Variants in BIRC2 observed in about 807,000 individuals in gnomAD.
BIRC2 encodes baculoviral IAP repeat-containing protein 2.
Under a neutral mutation model 60.9 loss-of-function variants are expected in BIRC2, and 18 were observed. The ratio of observed to expected loss-of-function variants is 0.30; its 90% CI spans 0.20 to 0.44. The LOEUF (loss-of-function observed/expected upper bound fraction) is 0.44, where lower values mean the gene tolerates loss of function less well. BIRC2 is among the 20% of genes least tolerant of loss of function. BIRC2 has a pLI of 1.00. For missense variants in BIRC2, 701 were observed against 728.5 expected (o/e 0.96, Z 0.43); for synonymous variants, 282 against 247.7 (o/e 1.14, Z -1.30).
At chr11:102,363,324 C>G (rs1478774595) in intron 4 of BIRC2, among the ~76,000 whole-genome samples, 1 of 152,128 alleles carries the variant, frequency 6.6e-6, no homozygotes. Flanking sequence ...TTTAGTGTCT[C>G]TTTGCTGTTT....
chr11:102,374,722 T>C (rs1951685291), intron 6 of BIRC2, among the ~76,000 whole-genome samples: 1 of 152,234 alleles, frequency 6.6e-6, no homozygotes, highest in African/African-American at 2.4e-5. Flanking sequence ...GCTGCTTTGT[T>C]TACCTAATCA....
At position 102,368,375 on chromosome 11, in the gene BIRC2, C is replaced by T; in HGVS notation, c.1193C>T (p.Ser398Phe). 6.2e-7 allele frequency: 1 copy of T among 1,614,014 alleles called. No homozygotes were observed. The highest frequency in any genetic ancestry group is 1.1e-5 in the South Asian group (1 of 91,064). The change falls in exon 6 of 9, where the codon TCT (serine) becomes TTT (phenylalanine). Residue 398 changes from serine (S) to phenylalanine (F), a missense_variant. Physicochemically the swap from Ser to Phe is radical, Grantham distance 155 (BLOSUM62 -2). Transcript: ENST00000227758. The part of the protein sequence containing the change: ...AVMMNTPVVK[S>F]ALEMGFNRDL... ...ATGATGAATACACCTGTGGTTAAAT[C>T]TGCCTTGGAAATGGGCTTTAATAGA...
At chr11:102,347,508 G>C (rs1273702030) in intron 1 of BIRC2, 132 bp downstream of exon 1, 1 of 152,286 alleles carries the variant, frequency 6.6e-6, no homozygotes, top group Non-Finnish European at 1.5e-5. Flanking sequence ...CAAGGGTCGA[G>C]GGTCGCCGGG....
rs1342124614 is a variant in BIRC2 at position 102,349,430 on chromosome 11, C to CT, written c.-424dup. On this transcript the variant is annotated 5_prime_UTR_variant, in exon 2 of 9. Coordinates refer to ENST00000227758, the MANE Select transcript of BIRC2 (RefSeq NM_001166.5). ...CCTTGTGGCATAATCAGTAATTGGT[C>CT]TGTTATTCAGGCTTCATAGCTTGTA... 6.5e-6 allele frequency: 1 copy of CT among 153,682 alleles called. No individual in the cohort carries two copies. The highest frequency in any genetic ancestry group is 2.4e-5 in the African/African-American group (1 of 41,462). 9.5% of individuals were successfully genotyped at this position (153,682 alleles called of 1,614,324 possible).
Position 102,377,725 on chromosome 11 carries a change from C to G in BIRC2, c.1596C>G (p.Asp532Glu). ...TCAAAAACTGTCTAAAAGAAATTGA[C>G]TCTACATTGTATAAGAACTTATTTG... ...NIFKNCLKEI[D>E]STLYKNLFVD... Residue 532 changes from aspartate (D) to glutamate (E), a missense_variant, in exon 7 of 9, where the codon GAC (aspartate) becomes GAG (glutamate). Around this residue, in one of 4 missense-constraint regions of BIRC2, gnomAD observed 235 missense variants for 208.9 expected, o/e 1.12. Coordinates refer to ENST00000227758, the MANE Select transcript of BIRC2 (RefSeq NM_001166.5). 1 of 1,606,422 alleles carries G rather than the reference C, an allele frequency of 6.2e-7. No individual in the cohort carries two copies. Among genetic ancestry groups the G allele is most frequent in the Non-Finnish European group, 8.5e-7 (1 of 1,178,408 alleles).
At position 102,377,588 on chromosome 11, in the gene BIRC2, G is replaced by T; in HGVS notation, c.1459G>T (p.Val487Leu). Residue 487 changes from valine (V) to leucine (L), a missense_variant, in exon 7 of 9, where the codon GTA becomes TTA. By Grantham distance (32) the Val-to-Leu change is conservative. Around this residue, in one of 4 missense-constraint regions of BIRC2, gnomAD observed 235 missense variants for 208.9 expected, o/e 1.12. Coordinates refer to ENST00000227758, the MANE Select transcript of BIRC2 (RefSeq NM_001166.5). ...CCTGGATAATCTTTTAAAGGCCAAT[G>T]TAATTAATAAACAGGAACATGATAT... ...PILDNLLKANVINKQEHDIIK... is the reference protein window; with the variant it reads ...PILDNLLKANLINKQEHDIIK... 6.2e-7 allele frequency: 1 copy of T among 1,611,626 alleles called. No individual in the cohort carries two copies. The highest frequency in any genetic ancestry group is 8.5e-7 in the Non-Finnish European group (1 of 1,178,828).
At chr11:102,359,653 T>C (rs1951463678) in intron 3 of BIRC2, among the ~76,000 whole-genome samples, 1 of 152,232 alleles carries the variant, frequency 6.6e-6, no homozygotes, top group Non-Finnish European at 1.5e-5. Context: ...ACTTTGAATA[T>C]ATCATCCAAC....
chr11:102,369,050 A>G (rs1951589037), intron 6 of BIRC2, among the ~76,000 whole-genome samples: 1 of 152,170 alleles, frequency 6.6e-6, no homozygotes, highest in African/African-American at 2.4e-5. Flanking sequence ...CAATCCAAGG[A>G]TAACAGGAAA....
chr11:102,353,732 G>T (rs567136515), intron 3 of BIRC2, among the ~76,000 whole-genome samples: 1 of 122,482 alleles, frequency 8.2e-6, no homozygotes, highest in Non-Finnish European at 1.6e-5. Context: ...ATGCTCTTTC[G>T]CAAATTTCAG....
At chr11:102,366,732 CTGAT>C in intron 5 of BIRC2, among the ~76,000 whole-genome samples, 1 of 152,262 alleles carries the variant, frequency 6.6e-6, no homozygotes, top group East Asian at 1.9e-4. Flanking sequence ...ACAAGTCTTC[CTGAT>C]TCTGGTTTAC....
At chr11:102,369,753 A>G (rs1951603480) in intron 6 of BIRC2, among the ~76,000 whole-genome samples, 1 of 148,898 alleles carries the variant, frequency 6.7e-6, no homozygotes, top group Non-Finnish European at 1.5e-5. Context: ...GACTTCCACA[A>G]TGCTTGAACT....
chr11:102,349,849 C>A lies in BIRC2; in HGVS notation c.-6C>A. ...TTTAGCTATCAAACAGTACTGTCACCTACTCATGCACAAAACTGCCTCCCA... is the reference window on the plus strand; with the variant it reads ...TTTAGCTATCAAACAGTACTGTCACATACTCATGCACAAAACTGCCTCCCA... On this transcript the variant is annotated 5_prime_UTR_variant, in exon 2 of 9. Transcript: ENST00000227758. 6.3e-7 allele frequency: 1 copy of A among 1,593,206 alleles called. No individual in the cohort carries two copies. Among genetic ancestry groups the A allele is most frequent in the East Asian group, 2.2e-5 (1 of 44,762 alleles).
chr11:102,374,287 A>G (rs1361053912), intron 6 of BIRC2, among the ~76,000 whole-genome samples: 3 of 150,294 alleles, frequency 2.0e-5, no homozygotes, highest in Middle Eastern at 3.2e-3. Context: ...TTTTTCCCCC[A>G]TCTTTGTGGT....
At chr11:102,353,801 A>G (rs933455417) in intron 3 of BIRC2, among the ~76,000 whole-genome samples, 3 of 151,244 alleles carry the variant, frequency 2.0e-5, no homozygotes, top group African/African-American at 7.3e-5. Flanking sequence ...GATCCTCAGA[A>G]AGTTTGTGTT....
intron 6 of BIRC2, among the ~76,000 whole-genome samples, chr11:102,376,747 T>C (rs567414927): frequency 5.3e-5 from 8 of 152,332 alleles, no homozygotes; most frequent in African/African-American, 1.9e-4. Context: ...TATAAAATAA[T>C]AATGGTAGTT....
chr11:102,359,608 A>T (rs1257763042), intron 3 of BIRC2, among the ~76,000 whole-genome samples: 1 of 152,186 alleles, frequency 6.6e-6, no homozygotes, highest in Non-Finnish European at 1.5e-5. Context: ...CTTTGCTGGG[A>T]TACATATTCT....
chr11:102,354,264 C>A (rs1413475515), intron 3 of BIRC2, among the ~76,000 whole-genome samples: 1 of 152,116 alleles, frequency 6.6e-6, no homozygotes. Flanking sequence ...GGTTGGAGTG[C>A]AGTGGCACCA....
At chr11:102,353,612 C>T (rs1347948220) in intron 3 of BIRC2, among the ~76,000 whole-genome samples, 2 of 152,112 alleles carry the variant, frequency 1.3e-5, no homozygotes, top group Non-Finnish European at 2.9e-5. Context: ...GCCACTGAGC[C>T]CAGCCCACAT....
At chr11:102,355,590 G>T (rs1247688371) in intron 3 of BIRC2, among the ~76,000 whole-genome samples, 1 of 151,808 alleles carries the variant, frequency 6.6e-6, no homozygotes, top group East Asian at 1.9e-4. Flanking sequence ...AGATTGCTTA[G>T]GCTATTCTGG....
Sources: gnomAD v4.1 joint callset for allele counts (sites outside exome capture counted in the v4.1 genomes callset) on GRCh38, gnomAD v4.1.1 for gene constraint, gnomAD v4.1.1 regional missense constraint, MANE v1.5 for transcripts, NCBI Gene and HGNC (gene_info 2026-07-23, HGNC 2026-07-21) for gene names.